Variants in RAB14 observed in about 807,000 individuals in gnomAD.
RAB14 encodes the protein ras-related protein Rab-14.
RAB14 carries 3 observed loss-of-function variants against 31.1 expected under a neutral mutation model. That is an observed-to-expected ratio of 0.10 (90% CI 0.04 to 0.25). The LOEUF is 0.25. Among genes scored for constraint, RAB14 ranks in the 10% least tolerant of loss-of-function variants. RAB14 has a pLI of 1.00. For synonymous variants in RAB14, 85 were observed against 84.9 expected (o/e 1.00, Z 0.00); for missense variants, 111 against 260.1 (o/e 0.43, Z 3.94).
chr9:121,183,823 A>G (rs1237442161), intron 5 of RAB14, among the ~76,000 whole-genome samples: 1 of 152,200 alleles, frequency 6.6e-6, no homozygotes, highest in Non-Finnish European at 1.5e-5. Flanking sequence ...GTCTAGTCCA[A>G]AGATTACGAT....
chr9:121,181,707 A>C, intron 7 of RAB14, 134 bp from the exon 8 acceptor site: 1 of 538,402 alleles, frequency 1.9e-6, no homozygotes, highest in Admixed American at 3.4e-5. Flanking sequence ...AGAGATTACC[A>C]GAACACTGAG....
intron 1 of RAB14, among the ~76,000 whole-genome samples, chr9:121,196,265 G>C (rs1327859443): frequency 6.6e-6 from 1 of 152,032 alleles, no homozygotes; most frequent in African/African-American, 2.4e-5. Flanking sequence ...ACATTTTACA[G>C]AAAGTATTCG....
At chr9:121,184,669 T>C (rs7047038) in intron 5 of RAB14, among the ~76,000 whole-genome samples, 1 of 151,994 alleles carries the variant, frequency 6.6e-6, no homozygotes, top group Non-Finnish European at 1.5e-5. Flanking sequence ...TAATCATTTT[T>C]ATCTGAATGT....
intron 3 of RAB14, among the ~76,000 whole-genome samples, chr9:121,191,393 A>C (rs1022225679): frequency 6.6e-6 from 1 of 152,142 alleles, no homozygotes. Context: ...GTTGGAGTGC[A>C]GTAGCACAAG....
chr9:121,197,084 A>G (rs563722646), intron 1 of RAB14, among the ~76,000 whole-genome samples: 23 of 152,324 alleles, frequency 1.5e-4, no homozygotes, highest in Middle Eastern at 3.4e-3. Flanking sequence ...TTATTAGCTT[A>G]TTTCAGGTAT....
In RAB14 at chr9:121,180,140, A is replaced by G. The variant is rs537209312; in HGVS notation, c.*1256T>C. 6.5e-6 allele frequency: 1 copy of G among 152,790 alleles called. No individual in the cohort carries two copies. The highest frequency in any genetic ancestry group is 2.1e-4 in the South Asian group (1 of 4,834). The allele number at this position is 152,790 out of a possible 1,614,324, so 9.5% of individuals were successfully genotyped here. The stretch of plus-strand genomic sequence containing the variant: ...ACAAAACAATTTATGCCAACATGAC[A>G]TAAAACAGCCCCTCACACTGTGAAC... On this transcript the variant is annotated 3_prime_UTR_variant, in exon 8 of 8. Coordinates refer to ENST00000373840, the MANE Select transcript of RAB14 (RefSeq NM_016322.4).
intron 4 of RAB14, among the ~76,000 whole-genome samples, chr9:121,189,408 G>A (rs979945845): frequency 7.2e-5 from 11 of 152,074 alleles, no homozygotes; most frequent in Admixed American, 2.6e-4. Context: ...ACAGTTCTGC[G>A]TAGGCGGCCA....
At chr9:121,190,888 G>C (rs773340724) in intron 3 of RAB14, among the ~76,000 whole-genome samples, 157 bp from the exon 4 acceptor site, 1 of 152,040 alleles carries the variant, frequency 6.6e-6, no homozygotes, top group African/African-American at 2.4e-5. Context: ...CAAACACCCA[G>C]AAGTAAGAAG....
chr9:121,181,285 T>G lies in RAB14; in HGVS notation c.*111A>C. 1.7e-6 allele frequency: 2 copies of G among 1,172,618 alleles called. No homozygotes were observed. The highest frequency in any genetic ancestry group is 2.3e-6 in the Non-Finnish European group (2 of 868,286). The allele number at this position is 1,172,618 out of a possible 1,614,324, so 72.6% of individuals were successfully genotyped here. A position where few individuals can be genotyped will look rare whatever the true frequency, so the allele number is the denominator to read the frequency against. ...TGTTTTTACAACAGAGTTTTTTCTT[T>G]TTTTTTAATTAAACCCAGTAAGATG... On this transcript the variant is annotated 3_prime_UTR_variant, in exon 8 of 8. Coordinates refer to ENST00000373840, the MANE Select transcript of RAB14 (RefSeq NM_016322.4).
At chr9:121,193,231 T>TA (rs1402193149) in intron 2 of RAB14, 130 bp downstream of exon 2, 8 of 618,306 alleles carry the variant, frequency 1.3e-5, no homozygotes, top group Non-Finnish European at 2.2e-5. Context: ...ATAAATCTTA[T>TA]AAAAGGAGTT....
intron 4 of RAB14, among the ~76,000 whole-genome samples, chr9:121,189,211 G>T (rs2053673940): frequency 1.3e-5 from 2 of 151,998 alleles, no homozygotes; most frequent in Non-Finnish European, 1.5e-5. Context: ...GCATGTTCTG[G>T]TTGTTCCCAG....
At chr9:121,191,742 A>T (rs555870112) in intron 3 of RAB14, among the ~76,000 whole-genome samples, 1 of 152,310 alleles carries the variant, frequency 6.6e-6, no homozygotes, top group East Asian at 1.9e-4. Context: ...TATATTTAGC[A>T]TATCAGTTAC....
chr9:121,194,033 A>G (rs1588371111), intron 1 of RAB14, among the ~76,000 whole-genome samples: 1 of 151,802 alleles, frequency 6.6e-6, no homozygotes, highest in East Asian at 1.9e-4. Context: ...AGATTTTTCA[A>G]GTCAAAGTTT....
chr9:121,189,839 T>C (rs1347047515), intron 4 of RAB14, among the ~76,000 whole-genome samples: 3 of 152,136 alleles, frequency 2.0e-5, no homozygotes, highest in Non-Finnish European at 4.4e-5. Context: ...ACTGGCACTT[T>C]ACATCAACAT....
intron 1 of RAB14, among the ~76,000 whole-genome samples, 178 bp from the exon 2 acceptor site, chr9:121,193,597 G>A (rs1474196001): frequency 6.6e-5 from 10 of 152,092 alleles, no homozygotes; most frequent in Admixed American, 6.6e-4. Context: ...TCTCTTGGAT[G>A]AATGATGCTT....
Position 121,181,563 on chromosome 9 carries a change from C to T in RAB14, c.481G>A (p.Val161Ile). 1 of 1,610,038 alleles carries T rather than the reference C, an allele frequency of 6.2e-7. No individual in the cohort carries two copies. Among genetic ancestry groups the T allele is most frequent in the Non-Finnish European group, 8.5e-7 (1 of 1,176,768 alleles). Residue 161 changes from valine (V) to isoleucine (I), a missense_variant, in exon 8 of 8, where the codon GTA (valine) becomes ATA (isoleucine). By Grantham distance (29) the Val-to-Ile change is conservative. Coordinates refer to ENST00000373840, the MANE Select transcript of RAB14 (RefSeq NM_016322.4). The part of the protein sequence containing the change: ...LEASAKTGEN[V>I]EDAFLEAAKK... ...GCAGCCTCAAGGAAGGCATCTTCTA[C>T]ATTCTCTCCCCTAAGAGGCAATTGA...
At chr9:121,201,387 C>G (rs1028012606) in intron 1 of RAB14, among the ~76,000 whole-genome samples, 1 of 152,096 alleles carries the variant, frequency 6.6e-6, no homozygotes, top group Non-Finnish European at 1.5e-5. Flanking sequence ...CGGAGCGCCC[C>G]GCCGGTTGGG....
Position 121,180,473 on chromosome 9 carries a change from CTGCTAGTGTTAATCCTCTGA to C in RAB14, c.*903_*922del, listed in dbSNP as rs1291867143. ...CAACAGTGCAAAGATGGAACAGAAT[CTGCTAGTGTTAATCCTCTGA>C]TGCTAGGAGCTCTTTCCAGCATAAT... On this transcript the variant is annotated 3_prime_UTR_variant, in exon 8 of 8. Coordinates refer to ENST00000373840, the MANE Select transcript of RAB14 (RefSeq NM_016322.4). The C allele has an allele frequency of 6.6e-6, 1 of 152,640 alleles. No homozygotes were observed. Among genetic ancestry groups the C allele is most frequent in the East Asian group, 1.9e-4 (1 of 5,198 alleles). 9.5% of individuals were successfully genotyped at this position (152,640 alleles called of 1,614,324 possible). A position where few individuals can be genotyped will look rare whatever the true frequency, so the allele number is the denominator to read the frequency against.
chr9:121,199,275 C>T (rs1393958093), intron 1 of RAB14, among the ~76,000 whole-genome samples: 6 of 152,170 alleles, frequency 3.9e-5, no homozygotes, highest in Non-Finnish European at 8.8e-5. Context: ...ACTGTTGACA[C>T]TGGCTGATAG....
Sources: allele counts gnomAD v4.1 joint callset (sites outside exome capture counted in the v4.1 genomes callset), GRCh38; gene constraint gnomAD v4.1.1; transcripts MANE v1.5; gene names NCBI Gene and HGNC (gene_info 2026-07-23, HGNC 2026-07-21).